Variants in LNX1 observed in about 807,000 individuals in gnomAD.
The protein encoded by LNX1 is ligand of numb-protein X 1.
In LNX1, 54 loss-of-function variants were observed where a neutral mutation model predicts 68.4. The observed-to-expected ratio is 0.79, with a 90% CI of 0.63 to 0.99. The LOEUF is 0.99. Ranked by LOEUF, LNX1 falls within the 50% of genes least tolerant of loss-of-function variation. LNX1 has a pLI of 0.00. For synonymous variants in LNX1, 336 were observed against 350.0 expected, an observed-to-expected ratio of 0.96 and a Z score of 0.45; for missense variants, 906 against 926.4, an observed-to-expected ratio of 0.98 and a Z score of 0.29.
At chr4:53,463,414 C>CAAAA (rs1579342072) in intron 9 of LNX1, among the ~76,000 whole-genome samples, 1 of 151,952 alleles carries the variant, frequency 6.6e-6, no homozygotes, top group East Asian at 1.9e-4. Flanking sequence ...AACTTTATTG[C>CAAAA]CGCAGCGAGA....
intron 1 of LNX1, chr4:53,576,449 G>C: frequency 7.1e-7 from 1 of 1,410,168 alleles, no homozygotes; most frequent in Non-Finnish European, 9.3e-7. Flanking sequence ...TGGTGCCAAA[G>C]TGCAGCTGAC....
At chr4:53,526,347 C>T (rs931319836) in intron 2 of LNX1, among the ~76,000 whole-genome samples, 1 of 152,140 alleles carries the variant, frequency 6.6e-6, no homozygotes, top group Middle Eastern at 3.2e-3. Context: ...GAATCGTTTT[C>T]ATAATCTTGA....
intron 1 of LNX1, among the ~76,000 whole-genome samples, chr4:53,638,328 A>G (rs1354811880): frequency 6.6e-6 from 1 of 152,246 alleles, no homozygotes; most frequent in Non-Finnish European, 1.5e-5. Flanking sequence ...ACTGTACAAT[A>G]TAGGTATAGT....
intron 1 of LNX1, among the ~76,000 whole-genome samples, chr4:53,631,310 C>A (rs1444276388): frequency 4.6e-5 from 7 of 152,150 alleles, no homozygotes; most frequent in Admixed American, 1.3e-4. Flanking sequence ...CACCCTTTTC[C>A]ACCCACTATT....
chr4:53,518,625 C>T (rs1726970039), intron 2 of LNX1, among the ~76,000 whole-genome samples: 2 of 152,076 alleles, frequency 1.3e-5, no homozygotes, highest in Admixed American at 1.3e-4. Flanking sequence ...TATTATACTC[C>T]CACTTTACTA....
chr4:53,565,638 G>C (rs898500745), intron 2 of LNX1, among the ~76,000 whole-genome samples: 4 of 152,224 alleles, frequency 2.6e-5, no homozygotes, highest in African/African-American at 9.7e-5. Context: ...ACAGAACAAA[G>C]CTGGACAGAG....
upstream of LNX1, among the ~76,000 whole-genome samples, chr4:53,592,654 T>C (rs1232806104): frequency 6.6e-6 from 1 of 152,184 alleles, no homozygotes; most frequent in Non-Finnish European, 1.5e-5. Context: ...GCCTCCCTCG[T>C]CTTCTTCTTT....
chr4:53,474,429 A>T (rs983197375), intron 9 of LNX1, among the ~76,000 whole-genome samples: 1 of 152,210 alleles, frequency 6.6e-6, no homozygotes, highest in African/African-American at 2.4e-5. Context: ...AGCAGAAATG[A>T]GTAATTGCCA....
chr4:53,498,880 C>CCCAA (rs1370829531), intron 4 of LNX1, 37 bp from the exon 5 acceptor site: 1 of 1,472,778 alleles, frequency 6.8e-7, no homozygotes, highest in African/African-American at 1.4e-5. Flanking sequence ...AAGACACCCA[C>CCCAA]CCAATGGACC....
chr4:53,631,956 C>T (rs2109873034), intron 1 of LNX1, among the ~76,000 whole-genome samples: 1 of 151,928 alleles, frequency 6.6e-6, no homozygotes, highest in South Asian at 2.1e-4. Flanking sequence ...TGAAGAAAAG[C>T]AAAGAAAGGA....
intron 9 of LNX1, among the ~76,000 whole-genome samples, chr4:53,472,350 TG>T (rs1477347858): frequency 2.0e-5 from 3 of 150,718 alleles, no homozygotes; most frequent in South Asian, 2.1e-4. Context: ...GGTTGGGGGA[TG>T]GGGGAGGGAT....
At chr4:53,642,975 G>T (rs1734744242) in intron 1 of LNX1, among the ~76,000 whole-genome samples, 1 of 152,128 alleles carries the variant, frequency 6.6e-6, no homozygotes, top group Non-Finnish European at 1.5e-5. Context: ...CCCTCCAGAG[G>T]CCACTTAACA....
chr4:53,522,258 C>G (rs1169619124), intron 2 of LNX1, among the ~76,000 whole-genome samples: 2 of 152,176 alleles, frequency 1.3e-5, no homozygotes, highest in Non-Finnish European at 2.9e-5. Context: ...TCAAACAAAT[C>G]CTACTCTTTT....
intron 2 of LNX1, among the ~76,000 whole-genome samples, chr4:53,597,046 T>C (rs1164157860): frequency 6.6e-6 from 1 of 152,220 alleles, no homozygotes; most frequent in African/African-American, 2.4e-5. Flanking sequence ...AGTTTCACTT[T>C]AGGTCCATCT....
At position 53,482,962 on chromosome 4, in the gene LNX1, G is replaced by A. The variant is rs556461607; in HGVS notation, c.1351-1108C>T. Among the ~76,000 whole-genome samples, 39 of 152,228 alleles carry A rather than the reference G, an allele frequency of 2.6e-4. No individual in the cohort carries two copies. In the South Asian group the frequency reaches 7.7e-3, roughly 30 times the overall value. On this transcript the variant is annotated intron_variant, in intron 6 of 10. Transcript: ENST00000263925. ...CTCTCTGCTATGTACATTGATATTT[G>A]GACAGGCATTCAGAATAGCAAATAT...
At position 53,576,279 on chromosome 4, in the gene LNX1, C is replaced by T. The variant is rs1731486294; in HGVS notation, c.-86-2191G>A. ...AGCTTTCAGATGGGTTAGCATACCG[C>T]TTCGAGGTCCCCATAGCCAAGTTCC... On this transcript the variant is annotated intron_variant, in intron 1 of 10. Transcript: ENST00000263925. 1.4e-5 allele frequency: 22 copies of T among 1,612,290 alleles called. No individual in the cohort carries two copies. In the South Asian group the frequency reaches 1.9e-4, roughly 14 times the overall value.
At chr4:53,535,284 G>A (rs1245573406) in intron 2 of LNX1, among the ~76,000 whole-genome samples, 2 of 152,160 alleles carry the variant, frequency 1.3e-5, no homozygotes, top group African/African-American at 2.4e-5. Context: ...GGATGCTTAA[G>A]CCATGACTCT....
At chr4:53,537,300 C>T (rs1728442915) in intron 2 of LNX1, among the ~76,000 whole-genome samples, 1 of 152,076 alleles carries the variant, frequency 6.6e-6, no homozygotes, top group Non-Finnish European at 1.5e-5. Context: ...TAAACAACAC[C>T]CTTGAAGTCC....
intron 1 of LNX1, among the ~76,000 whole-genome samples, chr4:53,645,816 T>C (rs1285487262): frequency 6.6e-6 from 1 of 152,188 alleles, no homozygotes; most frequent in East Asian, 1.9e-4. Context: ...AATAAAGATG[T>C]TTTGAATGAA....
Sources: gnomAD v4.1 joint callset for allele counts (sites outside exome capture counted in the v4.1 genomes callset) on GRCh38, gnomAD v4.1.1 for gene constraint, MANE v1.5 for transcripts, NCBI Gene and HGNC (gene_info 2026-07-23, HGNC 2026-07-21) for gene names.